The following PPARGC1A variants were observed in gnomAD, a reference collection of about 807,000 sequenced individuals.
PPARGC1A encodes peroxisome proliferator-activated receptor gamma coactivator 1-alpha.
A neutral mutation model predicts 88.7 loss-of-function variants in PPARGC1A; 25 were observed. The ratio of observed to expected loss-of-function variants is 0.28; its 90% CI spans 0.21 to 0.39. The LOEUF is 0.39. PPARGC1A is among the 10% of genes least tolerant of loss of function. The pLI, the probability that PPARGC1A is intolerant of heterozygous loss-of-function variation, is 1.00. For synonymous variants in PPARGC1A, 363 were observed against 355.6 expected (o/e 1.02, Z -0.24); for missense variants, 880 against 968.7 (o/e 0.91, Z 1.22).
At chr4:24,147,075 A>G in the PPARGC1A span, among the ~76,000 whole-genome samples, 1 of 152,160 alleles carries the variant, frequency 6.6e-6, no homozygotes, top group East Asian at 1.9e-4. Context: ...ACTCTGATTC[A>G]GGTGAACAGG....
chr4:24,311,245 G>A, the PPARGC1A span, among the ~76,000 whole-genome samples: 16 of 148,340 alleles, frequency 1.1e-4, no homozygotes. Context: ...GACTACAGGC[G>A]CCCGCCACCA....
the PPARGC1A span, among the ~76,000 whole-genome samples, chr4:23,978,425 A>G: frequency 6.6e-6 from 1 of 152,148 alleles, no homozygotes; most frequent in Non-Finnish European, 1.5e-5. Context: ...TTCTTTATAC[A>G]CTTTAGGTGG....
At chr4:23,905,921 A>C (rs1719975347), upstream of PPARGC1A, among the ~76,000 whole-genome samples, 1 of 152,164 alleles carries the variant, frequency 6.6e-6, no homozygotes, top group Non-Finnish European at 1.5e-5. Context: ...CTCTTCACAA[A>C]TCAGAAGGGA....
chr4:24,126,270 CA>C, the PPARGC1A span, among the ~76,000 whole-genome samples: 1 of 85,474 alleles, frequency 1.2e-5, no homozygotes, highest in Non-Finnish European at 2.6e-5. Flanking sequence ...CTTCTCACCA[CA>C]CACACACACA....
At chr4:24,204,724 C>T in the PPARGC1A span, among the ~76,000 whole-genome samples, 1 of 152,018 alleles carries the variant, frequency 6.6e-6, no homozygotes, top group Non-Finnish European at 1.5e-5. Flanking sequence ...CCTCTGTGTA[C>T]CATATTAGTT....
chr4:24,342,264 G>A, the PPARGC1A span, among the ~76,000 whole-genome samples: 2 of 152,026 alleles, frequency 1.3e-5, no homozygotes, highest in Non-Finnish European at 2.9e-5. Flanking sequence ...TGCATACATT[G>A]GCTAATTCAA....
At chr4:24,396,655 CA>C in the PPARGC1A span, among the ~76,000 whole-genome samples, 1 of 151,940 alleles carries the variant, frequency 6.6e-6, no homozygotes, top group Non-Finnish European at 1.5e-5. Flanking sequence ...CCTGAGCAAG[CA>C]GGATTCAGAG....
At chr4:24,146,206 T>C in the PPARGC1A span, among the ~76,000 whole-genome samples, 2,513 of 152,350 alleles carry the variant, frequency 0.016, 65 homozygotes, top group African/African-American at 0.057. Flanking sequence ...ACTCTTCTAT[T>C]AGTCCATTAA....
chr4:24,355,063 A>T, the PPARGC1A span, among the ~76,000 whole-genome samples: 1 of 152,222 alleles, frequency 6.6e-6, no homozygotes, highest in Non-Finnish European at 1.5e-5. Flanking sequence ...GCCTAGGGTC[A>T]GCTTCCATCA....
chr4:23,917,480 C>T, the PPARGC1A span, among the ~76,000 whole-genome samples: 91 of 151,844 alleles, frequency 6.0e-4, no homozygotes, highest in African/African-American at 2.1e-3. Context: ...CCCGCCACCA[C>T]GCCCGGCTAA....
chr4:24,130,519 T>C, the PPARGC1A span, among the ~76,000 whole-genome samples: 6 of 152,104 alleles, frequency 3.9e-5, no homozygotes, highest in African/African-American at 1.2e-4. Context: ...TGAATTCCTA[T>C]CTCTGTTTTA....
chr4:24,226,397 G>A, the PPARGC1A span, among the ~76,000 whole-genome samples: 2 of 152,134 alleles, frequency 1.3e-5, no homozygotes, highest in Admixed American at 1.3e-4. Flanking sequence ...AGGTAGGCTG[G>A]GGAAAGGCTG....
the PPARGC1A span, among the ~76,000 whole-genome samples, chr4:24,359,871 T>A: frequency 0.43 from 65,328 of 152,042 alleles, 14,443 homozygotes; most frequent in East Asian, 0.59. Flanking sequence ...TCTCAGCCTC[T>A]AGAACTGAGA....
chr4:24,432,149 AAGTG>A, the PPARGC1A span, among the ~76,000 whole-genome samples: 1 of 152,180 alleles, frequency 6.6e-6, no homozygotes, highest in African/African-American at 2.4e-5. Context: ...AGAGGAAAGA[AAGTG>A]AAGTTAAAAG....
chr4:24,090,903 T>C, the PPARGC1A span, among the ~76,000 whole-genome samples: 1 of 152,248 alleles, frequency 6.6e-6, no homozygotes, highest in African/African-American at 2.4e-5. Context: ...GCTTTGCACA[T>C]TTTAATGAAA....
the PPARGC1A span, among the ~76,000 whole-genome samples, chr4:24,093,358 C>A: frequency 1.3e-5 from 2 of 152,194 alleles, no homozygotes; most frequent in Admixed American, 1.3e-4. Context: ...TAGGAACATG[C>A]TTTGTAGGCT....
chr4:24,116,168 TTTTG>T, the PPARGC1A span, among the ~76,000 whole-genome samples: 2 of 152,184 alleles, frequency 1.3e-5, no homozygotes, highest in Non-Finnish European at 2.9e-5. Context: ...TATATACGAT[TTTTG>T]TTTATTTTAT....
chr4:24,197,303 T>C, the PPARGC1A span, among the ~76,000 whole-genome samples: 1 of 152,200 alleles, frequency 6.6e-6, no homozygotes, highest in Non-Finnish European at 1.5e-5. Flanking sequence ...TGGGCCAAAA[T>C]GAAATTTGAC....
At chr4:23,804,005 C>G (rs1012692245) in intron 10 of PPARGC1A, among the ~76,000 whole-genome samples, 1 of 152,182 alleles carries the variant, frequency 6.6e-6, no homozygotes. Context: ...GACCCTTTAT[C>G]TTCCTGGATG....
Sources: gnomAD v4.1 joint callset for allele counts (sites outside exome capture counted in the v4.1 genomes callset) on GRCh38, gnomAD v4.1.1 for gene constraint, MANE v1.5 for transcripts, NCBI Gene and HGNC (gene_info 2026-07-23, HGNC 2026-07-21) for gene names.